Variants in CD200R1 observed in about 807,000 individuals in gnomAD.
CD200R1 encodes CD200 receptor 1.
CD200R1 carries 30 observed loss-of-function variants against 38.1 expected under a neutral mutation model. That is an observed-to-expected ratio of 0.79 (90% CI 0.59 to 1.07). The LOEUF (loss-of-function observed/expected upper bound fraction) is 1.07, where lower values mean the gene tolerates loss of function less well. Among genes scored for constraint, CD200R1 ranks in the 50% least tolerant of loss-of-function variants. The pLI is 0.00. For synonymous variants in CD200R1, 128 were observed against 152.1 expected (o/e 0.84, Z 1.16); for missense variants, 372 against 415.4 (o/e 0.90, Z 0.91).
At chr3:112,935,235 A>G (rs758375054) in intron 2 of CD200R1, among the ~76,000 whole-genome samples, 1 of 152,176 alleles carries the variant, frequency 6.6e-6, no homozygotes, top group African/African-American at 2.4e-5. Context: ...CATAAATCAA[A>G]CAGACCTAAC....
At chr3:112,923,971 T>C (rs776290547) in intron 7 of CD200R1, among the ~76,000 whole-genome samples, 172 bp from the exon 8 acceptor site, 1 of 151,924 alleles carries the variant, frequency 6.6e-6, no homozygotes, top group African/African-American at 2.4e-5. Flanking sequence ...TAACATTTTA[T>C]CAAAAAGTAT....
At chr3:112,950,336 G>A (rs1009910470) in intron 1 of CD200R1, among the ~76,000 whole-genome samples, 2 of 151,546 alleles carry the variant, frequency 1.3e-5, no homozygotes, top group African/African-American at 4.9e-5. Flanking sequence ...GGGAGGCAGA[G>A]GTTGCAGTGA....
chr3:112,939,535 C>CA (rs1222324190), intron 2 of CD200R1, among the ~76,000 whole-genome samples: 1 of 151,380 alleles, frequency 6.6e-6, no homozygotes, highest in Non-Finnish European at 1.5e-5. Flanking sequence ...ACAATAGCTA[C>CA]AAAAATATAT....
At chr3:112,924,621 C>T (rs911943596) in intron 6 of CD200R1, 86 bp from the exon 7 acceptor site, 8 of 780,170 alleles carry the variant, frequency 1.0e-5, no homozygotes, top group Non-Finnish European at 1.4e-5. Flanking sequence ...ATACTATTGA[C>T]AATTGTGTTT....
At chr3:112,940,825 A>G (rs1940708990) in intron 2 of CD200R1, among the ~76,000 whole-genome samples, 1 of 151,772 alleles carries the variant, frequency 6.6e-6, no homozygotes, top group Admixed American at 6.6e-5. Context: ...AAGGAAATAA[A>G]TATGTTAAAG....
At chr3:112,924,384 A>C in intron 7 of CD200R1, 106 bp downstream of exon 7, 1 of 813,330 alleles carries the variant, frequency 1.2e-6, no homozygotes, top group Non-Finnish European at 1.7e-6. Flanking sequence ...GAACTGTTTT[A>C]GTTTTTCAAC....
intron 2 of CD200R1, among the ~76,000 whole-genome samples, chr3:112,941,136 T>C (rs910314965): frequency 6.6e-6 from 1 of 151,688 alleles, no homozygotes; most frequent in Non-Finnish European, 1.5e-5. Flanking sequence ...GAACACAGGC[T>C]TCTATAGACT....
At chr3:112,971,172 A>T (rs1353602558) in intron 1 of CD200R1, among the ~76,000 whole-genome samples, 1 of 152,184 alleles carries the variant, frequency 6.6e-6, no homozygotes, top group Non-Finnish European at 1.5e-5. Flanking sequence ...GTAGTATTTC[A>T]TATAACCTAT....
chr3:112,931,812 A>G (rs1378260929), intron 2 of CD200R1, among the ~76,000 whole-genome samples: 1 of 152,006 alleles, frequency 6.6e-6, no homozygotes, highest in African/African-American at 2.4e-5. Context: ...TCAAAGGGAG[A>G]GTGCAGGAGT....
At chr3:112,971,072 C>G (rs1559704201) in intron 1 of CD200R1, among the ~76,000 whole-genome samples, 1 of 152,124 alleles carries the variant, frequency 6.6e-6, no homozygotes, top group Non-Finnish European at 1.5e-5. Context: ...GTTTTCTATA[C>G]AGTCATCCCT....
rs749784622 is a variant in CD200R1, at chr3:112,929,126, A to T, written c.521-62T>A. Reference sequence around the variant, plus strand: ...TTCACATAAAGCATATGGAATTCAGAGAGACATTTGTTTCCGTCACAAATC... The same window carrying T: ...TTCACATAAAGCATATGGAATTCAGTGAGACATTTGTTTCCGTCACAAATC... On this transcript the variant is annotated intron_variant, in intron 4 of 7. Transcript: ENST00000308611. The T allele has an allele frequency of 1.9e-5, 31 of 1,612,104 alleles. No homozygotes were observed. The Admixed American group carries it at 5.2e-4, about 27-fold the overall frequency.
intron 1 of CD200R1, among the ~76,000 whole-genome samples, chr3:112,960,455 C>A (rs1932990464): frequency 6.6e-6 from 1 of 151,896 alleles, no homozygotes; most frequent in African/African-American, 2.4e-5. Context: ...AACTATTTTG[C>A]AGACATTTGA....
At chr3:112,939,525 A>G (rs1292414270) in intron 2 of CD200R1, among the ~76,000 whole-genome samples, 1 of 151,890 alleles carries the variant, frequency 6.6e-6, no homozygotes, top group Non-Finnish European at 1.5e-5. Flanking sequence ...AATCCCATTT[A>G]CAATAGCTAC....
intron 2 of CD200R1, among the ~76,000 whole-genome samples, chr3:112,942,072 C>A (rs1317748576): frequency 2.6e-5 from 4 of 151,450 alleles, no homozygotes; most frequent in Non-Finnish European, 5.9e-5. Flanking sequence ...GGCCTGCCTT[C>A]CAAAAAATGT....
chr3:112,939,011 C>G (rs1940654065), intron 2 of CD200R1, among the ~76,000 whole-genome samples: 1 of 151,890 alleles, frequency 6.6e-6, no homozygotes, highest in South Asian at 2.1e-4. Context: ...AAATGAAGAA[C>G]AAAAACTAGG....
chr3:112,929,508 C>T lies in CD200R1; in HGVS notation c.203-1G>A, dbSNP rs1940372244. 6.2e-7 allele frequency: 1 copy of T among 1,602,948 alleles called. No homozygotes were observed. The highest frequency in any genetic ancestry group is 8.5e-7 in the Non-Finnish European group (1 of 1,176,036). On this transcript the variant is annotated splice_acceptor_variant, in intron 3 of 7. Transcript: ENST00000308611. LOFTEE classifies it high-confidence loss of function. The stretch of plus-strand genomic sequence containing the variant: ...ATCTTTACAGGCCATGAAGTGTTAA[C>T]TGGACATGAAAAGAGAATGATAAAA...
Position 112,921,769 on chromosome 3 carries a change from C to T in CD200R1, c.*1908G>A, listed in dbSNP as rs1940175880. 1 of 152,014 alleles carries T rather than the reference C, an allele frequency of 6.6e-6. No individual in the cohort carries two copies. The highest frequency in any genetic ancestry group is 1.5e-5 in the Non-Finnish European group (1 of 67,962). The allele number at this position is 152,014 out of a possible 1,614,324, so 9.4% of individuals were successfully genotyped here. ...GTAGAGATTTTCATACAATTATTTTCTGTACAATATAATTTAACTTCTATA... is the reference window on the plus strand; with the variant it reads ...GTAGAGATTTTCATACAATTATTTTTTGTACAATATAATTTAACTTCTATA... On this transcript the variant is annotated 3_prime_UTR_variant, in exon 8 of 8. Transcript: ENST00000308611.
At chr3:112,933,117 C>T (rs1940491462) in intron 2 of CD200R1, among the ~76,000 whole-genome samples, 1 of 152,158 alleles carries the variant, frequency 6.6e-6, no homozygotes, top group South Asian at 2.1e-4. Flanking sequence ...GGACCTGTAC[C>T]CAGGGCCTAA....
intron 2 of CD200R1, among the ~76,000 whole-genome samples, chr3:112,947,116 G>T (rs1476329397): frequency 6.6e-6 from 1 of 152,146 alleles, no homozygotes; most frequent in East Asian, 1.9e-4. Context: ...ATTGCCTGGG[G>T]TTAGTGGGCA....
Sources: gnomAD v4.1 joint callset for allele counts (sites outside exome capture counted in the v4.1 genomes callset) on GRCh38, gnomAD v4.1.1 for gene constraint, MANE v1.5 for transcripts, NCBI Gene and HGNC (gene_info 2026-07-23, HGNC 2026-07-21) for gene names.